The following TSNARE1 variants were observed in gnomAD, a reference collection of about 807,000 sequenced individuals.
TSNARE1 encodes the protein t-SNARE domain-containing protein 1.
In TSNARE1, 49 loss-of-function variants were observed where a neutral mutation model predicts 62.0. That is an observed-to-expected ratio of 0.79 (90% confidence interval 0.63 to 1.00). The LOEUF is 1.00. TSNARE1 is among the 50% of genes least tolerant of loss of function. The probability of loss-of-function intolerance (pLI) is 0.00; values close to 1 mark genes in which losing one functional copy is unlikely to be tolerated. For missense variants in TSNARE1, 755 were observed against 700.1 expected (o/e 1.08, Z -0.88); for synonymous variants, 328 against 294.4 (o/e 1.11, Z -1.17).
At chr8:142,239,998 G>A (rs1360366580) in intron 12 of TSNARE1, among the ~76,000 whole-genome samples, 1 of 152,142 alleles carries the variant, frequency 6.6e-6, no homozygotes, top group Non-Finnish European at 1.5e-5. Context: ...AGTAAGAAGG[G>A]AGAAACAAGT....
Position 142,228,255 on chromosome 8 carries a change from A to G in TSNARE1, c.*11+1218T>C, listed in dbSNP as rs75344112. On this transcript the variant is annotated intron_variant, in intron 13 of 13. Coordinates refer to ENST00000524325, the MANE Select transcript of TSNARE1 (RefSeq NM_145003.5). The stretch of plus-strand genomic sequence containing the variant: ...AACAAACATTGATTTGGTTTCAGCC[A>G]CTAAGCTTTAAGCTAACTTGGCATG... 4.2e-3 allele frequency among the ~76,000 whole-genome samples: 636 copies of G among 152,368 alleles called. 5 individuals carry two copies. The highest frequency in any genetic ancestry group is 0.014 in the African/African-American group (601 of 41,582).
chr8:142,393,216 G>A (rs558403952), intron 1 of TSNARE1, among the ~76,000 whole-genome samples: 10 of 152,188 alleles, frequency 6.6e-5, no homozygotes, highest in Non-Finnish European at 1.3e-4. Flanking sequence ...GAACGATGGC[G>A]AATAGAAAAA....
chr8:142,380,128 G>A (rs1256852594), intron 1 of TSNARE1, among the ~76,000 whole-genome samples: 1 of 152,180 alleles, frequency 6.6e-6, no homozygotes, highest in Non-Finnish European at 1.5e-5. Context: ...TGTCCAGGGC[G>A]TACCACGTCA....
chr8:142,399,247 A>G (rs1838116580), intron 1 of TSNARE1, among the ~76,000 whole-genome samples: 1 of 152,240 alleles, frequency 6.6e-6, no homozygotes, highest in Non-Finnish European at 1.5e-5. Flanking sequence ...CAGCACTAAC[A>G]GGAAGGATAG....
intron 10 of TSNARE1, among the ~76,000 whole-genome samples, chr8:142,293,484 T>C (rs1198052522): frequency 2.6e-5 from 4 of 152,216 alleles, no homozygotes; most frequent in South Asian, 2.1e-4. Context: ...GCTGGTGTCA[T>C]TGTGCCCATT....
intron 1 of TSNARE1, among the ~76,000 whole-genome samples, chr8:142,384,315 A>G (rs553409636): frequency 4.8e-4 from 73 of 152,336 alleles, no homozygotes; most frequent in Non-Finnish European, 5.6e-4. Flanking sequence ...GGACTCTTAC[A>G]AGAAGCTGGC....
intron 9 of TSNARE1, among the ~76,000 whole-genome samples, chr8:142,313,471 CTG>C (rs1381730853): frequency 2.6e-5 from 4 of 151,120 alleles, no homozygotes; most frequent in Non-Finnish European, 5.9e-5. Context: ...GTCTGCATGT[CTG>C]TGTTTATCTG....
intron 12 of TSNARE1, chr8:142,273,801 G>A: frequency 1.0e-6 from 1 of 985,356 alleles, no homozygotes; most frequent in Non-Finnish European, 1.2e-6. Context: ...TCCAGCTGCG[G>A]CCCCCTTTTC....
intron 1 of TSNARE1, among the ~76,000 whole-genome samples, chr8:142,378,202 G>T (rs1473264301): frequency 6.6e-6 from 1 of 152,202 alleles, no homozygotes; most frequent in African/African-American, 2.4e-5. Flanking sequence ...CCACACACGG[G>T]AACACCGCTC....
At chr8:142,304,157 G>C (rs549388476) in intron 9 of TSNARE1, among the ~76,000 whole-genome samples, 2 of 152,258 alleles carry the variant, frequency 1.3e-5, no homozygotes, top group South Asian at 4.1e-4. Flanking sequence ...GTTGACAAGC[G>C]CAACTCGTCC....
At chr8:142,318,721 G>A (rs943481861) in intron 6 of TSNARE1, 87 bp from the exon 7 acceptor site, 20 of 1,294,872 alleles carry the variant, frequency 1.5e-5, no homozygotes, top group South Asian at 6.0e-5. Context: ...AAGCAGGGAC[G>A]CACGGGCCGA....
intron 11 of TSNARE1, chr8:142,279,873 C>T (rs1056993500): frequency 1.3e-5 from 13 of 1,033,152 alleles, no homozygotes; most frequent in African/African-American, 3.5e-5. Flanking sequence ...GCAGGGGCTC[C>T]GTGGTCTGGC....
At chr8:142,292,100 C>G (rs543740461) in intron 10 of TSNARE1, among the ~76,000 whole-genome samples, 155 of 152,182 alleles carry the variant, frequency 1.0e-3, no homozygotes, top group Non-Finnish European at 2.0e-3. Flanking sequence ...CAGGAGGAAA[C>G]CAGGCCATGG....
At chr8:142,276,681 T>C (rs1820556132) in intron 11 of TSNARE1, 3 of 985,396 alleles carry the variant, frequency 3.0e-6, no homozygotes, top group Non-Finnish European at 3.6e-6. Context: ...GGACTCAGCC[T>C]GTGCCCAATC....
chr8:142,363,647 C>T (rs1563987788), intron 1 of TSNARE1, among the ~76,000 whole-genome samples: 1 of 152,164 alleles, frequency 6.6e-6, no homozygotes, highest in African/African-American at 2.4e-5. Context: ...GCCAGACAGA[C>T]ACCACGAACT....
intron 1 of TSNARE1, among the ~76,000 whole-genome samples, chr8:142,383,271 G>A (rs974879020): frequency 3.3e-5 from 5 of 152,336 alleles, no homozygotes; most frequent in African/African-American, 1.2e-4. Context: ...GAGAGCTGGA[G>A]AAAGACAGGC....
At chr8:142,273,866 C>G in intron 12 of TSNARE1, 1 of 985,390 alleles carries the variant, frequency 1.0e-6, no homozygotes, top group Non-Finnish European at 1.2e-6. Context: ...TGTGATATCC[C>G]AGCGTCCTGG....
At chr8:142,236,444 G>T (rs151276010) in intron 12 of TSNARE1, among the ~76,000 whole-genome samples, 1 of 151,848 alleles carries the variant, frequency 6.6e-6, no homozygotes, top group South Asian at 2.1e-4. Context: ...CCAAGTATCC[G>T]CTGGGCACCC....
chr8:142,382,911 C>T (rs992617153), intron 1 of TSNARE1, among the ~76,000 whole-genome samples: 2 of 152,112 alleles, frequency 1.3e-5, no homozygotes, highest in Admixed American at 6.5e-5. Context: ...AGGCAGCAGG[C>T]GGTGAGGGCC....
Sources: allele counts gnomAD v4.1 joint callset (sites outside exome capture counted in the v4.1 genomes callset), GRCh38; gene constraint gnomAD v4.1.1; transcripts MANE v1.5; gene names NCBI Gene and HGNC (gene_info 2026-07-23, HGNC 2026-07-21).